Variants in ENAM observed in about 807,000 individuals in gnomAD.
The protein encoded by ENAM is enamelin.
Under a neutral mutation model 33.6 loss-of-function variants are expected in ENAM, and 21 were observed. The ratio of observed to expected loss-of-function variants is 0.63; its 90% CI spans 0.44 to 0.90. The LOEUF is 0.90. Ranked by LOEUF, ENAM falls within the 40% of genes least tolerant of loss-of-function variation. The pLI is 0.00. For missense variants in ENAM, 1,388 were observed against 1,366.9 expected, an observed-to-expected ratio of 1.02 and a Z score of -0.24; for synonymous variants, 473 against 468.4, an observed-to-expected ratio of 1.01 and a Z score of -0.13.
At position 70,646,181 on chromosome 4, in the gene ENAM, T is replaced by G. The variant is rs1380658968; in HGVS notation, c.*1326T>G. The G allele has an allele frequency of 6.6e-6, 1 of 152,140 alleles. No individual in the cohort carries two copies. The highest frequency in any genetic ancestry group is 1.5e-5 in the Non-Finnish European group (1 of 68,022). The allele number at this position is 152,140 out of a possible 1,614,324, so 9.4% of individuals were successfully genotyped here. ...CTTTCTTGGTATCTTGAATAAATTG[T>G]GTAAATTATTTTGAAAAGTGGATAT... On this transcript the variant is annotated 3_prime_UTR_variant, in exon 9 of 9. Transcript: ENST00000396073.
At chr4:70,633,922 T>A (rs1738385381) in intron 5 of ENAM, among the ~76,000 whole-genome samples, 2 of 152,170 alleles carry the variant, frequency 1.3e-5, no homozygotes, top group South Asian at 4.1e-4. Context: ...CTTATTTTTG[T>A]TTTTTCTCTT....
Position 70,643,574 on chromosome 4 carries a change from C to A in ENAM, c.2148C>A (p.Tyr716Ter). Residue 716 changes from tyrosine to a stop codon, truncating the protein, a stop_gained, in exon 9 of 9, where the codon TAC (tyrosine) becomes TAA (stop). Transcript: ENST00000396073. LOFTEE classifies it low-confidence loss of function (END_TRUNC). ...CAAAACCAAGGGAGGATTTTTATTA[C>A]AGTGAATTTTACCCATGGAGCCCGG... Reference protein sequence around the residue: ...NPSKPREDFYYSEFYPWSPDE... With the variant: ...NPSKPREDFY 6.2e-7 allele frequency: 1 copy of A among 1,614,052 alleles called. No homozygotes were observed. Among genetic ancestry groups the A allele is most frequent in the Non-Finnish European group, 8.5e-7 (1 of 1,179,980 alleles).
At position 70,643,460 on chromosome 4, in the gene ENAM, A is replaced by C; in HGVS notation, c.2034A>C (p.Lys678Asn). The change falls in exon 9 of 9, where the codon AAA becomes AAC. Residue 678 changes from lysine to asparagine, a missense_variant. Transcript: ENST00000396073. ...QNRWGEELSF[K>N]GGPTVRHYEG... is the part of the protein sequence containing the mutation. ...GATGGGGTGAAGAGTTGAGCTTCAA[A>C]GGAGGCCCAACAGTTAGGCACTATG... 1.2e-6 allele frequency: 2 copies of C among 1,614,158 alleles called. No individual in the cohort carries two copies. The highest frequency in any genetic ancestry group is 1.7e-6 in the Non-Finnish European group (2 of 1,179,982).
chr4:70,636,785 G>C (rs547514856), intron 7 of ENAM, among the ~76,000 whole-genome samples: 3 of 150,714 alleles, frequency 2.0e-5, no homozygotes, highest in African/African-American at 7.3e-5. Flanking sequence ...AAAAAAAAGA[G>C]ATCTTGCAAA....
chr4:70,633,154 A>G (rs1738368972), intron 5 of ENAM, among the ~76,000 whole-genome samples: 1 of 152,132 alleles, frequency 6.6e-6, no homozygotes, highest in African/African-American at 2.4e-5. Flanking sequence ...TTGTCAGAAC[A>G]GACAAATCAA....
chr4:70,638,771 A>G lies in ENAM; in HGVS notation c.588+928A>G, dbSNP rs545757908. 5.4e-5 allele frequency among the ~76,000 whole-genome samples: 8 copies of G among 148,840 alleles called. No individual in the cohort carries two copies. In the South Asian group the frequency reaches 8.5e-4, roughly 16 times the overall value. On this transcript the variant is annotated intron_variant, in intron 8 of 8. Coordinates refer to ENST00000396073, the MANE Select transcript of ENAM (RefSeq NM_031889.3). Reference sequence around the variant, plus strand: ...TCCCTGCAATGACTGCCAATTTCTTATCTTTCTTTTCTTTCTTTCTTTCTT... The same window carrying G: ...TCCCTGCAATGACTGCCAATTTCTTGTCTTTCTTTTCTTTCTTTCTTTCTT...
Position 70,631,735 on chromosome 4 carries a change from G to A in ENAM, c.120G>A (p.Met40Ile). 6.2e-7 allele frequency: 1 copy of A among 1,613,086 alleles called. No individual in the cohort carries two copies. The highest frequency in any genetic ancestry group is 8.5e-7 in the Non-Finnish European group (1 of 1,179,068). ...FLGLLGNSVA[M>I]PMHMPRMPGF... Reference sequence around the variant, plus strand: ...GGCTTCTTGGTAATTCTGTTGCTATGCCAGTGAGTATTTTTTAAATGTTAG... The same window carrying A: ...GGCTTCTTGGTAATTCTGTTGCTATACCAGTGAGTATTTTTTAAATGTTAG... The change falls in exon 3 of 9, where the codon ATG becomes ATA. Residue 40 changes from methionine to isoleucine, a missense_variant. Coordinates refer to ENST00000396073, the MANE Select transcript of ENAM (RefSeq NM_031889.3).
At chr4:70,636,450 A>T (rs900908539) in intron 7 of ENAM, among the ~76,000 whole-genome samples, 5 of 152,128 alleles carry the variant, frequency 3.3e-5, no homozygotes, top group Admixed American at 3.3e-4. Flanking sequence ...CCTGGCCAAC[A>T]TGGTGAAATC....
rs1401020322 is a variant in ENAM at position 70,637,759 on chromosome 4, T to G, written c.535-31T>G. ...AATGGCGGCATCGAACGTGGTTTTC[T>G]CCTGTGTTCACTGTGTTTTTCACTT... On this transcript the variant is annotated intron_variant, in intron 7 of 8. Transcript: ENST00000396073. The G allele has an allele frequency of 1.9e-6, 3 of 1,595,722 alleles. No individual in the cohort carries two copies. The Admixed American group carries it at 5.0e-5, about 27-fold the overall frequency.
rs1292333011 is a variant in ENAM at position 70,645,034 on chromosome 4, G to A, written c.*179G>A. On this transcript the variant is annotated 3_prime_UTR_variant, in exon 9 of 9. Coordinates refer to ENST00000396073, the MANE Select transcript of ENAM (RefSeq NM_031889.3). ...AGGTGGAGCTGAGATTAGGCCTCTG[G>A]GGATCACCAGATCTAGCACTTTCAC... The A allele has an allele frequency of 2.4e-5, 15 of 636,788 alleles. No individual in the cohort carries two copies. The South Asian group carries it at 2.5e-4, about 11-fold the overall frequency. 39.4% of individuals were successfully genotyped at this position (636,788 alleles called of 1,614,324 possible).
Position 70,631,930 on chromosome 4 carries a change from A to T in ENAM, c.168+37A>T, listed in dbSNP as rs778277351. ...CAGTCTCAGAGGAGAAGTTATCCAG[A>T]GTCCTATCCTACACATTTACTAAAA... On this transcript the variant is annotated intron_variant, in intron 4 of 8. Coordinates refer to ENST00000396073, the MANE Select transcript of ENAM (RefSeq NM_031889.3). 9 of 1,538,488 alleles carry T rather than the reference A, an allele frequency of 5.8e-6. No homozygotes were observed. The African/African-American group carries it at 1.1e-4, about 19-fold the overall frequency.
rs1244495058 is a variant in ENAM at position 70,644,318 on chromosome 4, G to A, written c.2892G>A (p.Leu964=). 1 of 1,614,016 alleles carries A rather than the reference G, an allele frequency of 6.2e-7. No homozygotes were observed. The highest frequency in any genetic ancestry group is 8.5e-7 in the Non-Finnish European group (1 of 1,180,026). Residue 964 remains leucine, a synonymous_variant, in exon 9 of 9, where the codon CTG becomes CTA. Coordinates refer to ENST00000396073, the MANE Select transcript of ENAM (RefSeq NM_031889.3). The stretch of plus-strand genomic sequence containing the variant: ...CACCATGTTCTATAAAGAATCAACT[G>A]GGCCAAAAGGAAATTATGCCCTTTC... The part of the protein sequence containing the change: ...RNTPCSIKNQ[L]GQKEIMPFPE...
chr4:70,631,609 C>A, intron 2 of ENAM, 61 bp from the exon 3 acceptor site: 3 of 1,210,066 alleles, frequency 2.5e-6, no homozygotes, highest in Non-Finnish European at 3.7e-6. Context: ...TAGATAAGTG[C>A]AGAGTGCCCT....
chr4:70,631,509 T>A (rs939676157), intron 2 of ENAM, among the ~76,000 whole-genome samples, 161 bp from the exon 3 acceptor site: 1 of 152,116 alleles, frequency 6.6e-6, no homozygotes, highest in Non-Finnish European at 1.5e-5. Context: ...AGATGATAAC[T>A]ATCTAATAGT....
chr4:70,636,819 A>C (rs1012163357), intron 7 of ENAM, among the ~76,000 whole-genome samples: 1 of 152,232 alleles, frequency 6.6e-6, no homozygotes, highest in Non-Finnish European at 1.5e-5. Flanking sequence ...GAAGCCTCAA[A>C]GAATCTTAAA....
intron 7 of ENAM, chr4:70,637,552 T>G: frequency 1.9e-6 from 1 of 538,964 alleles, no homozygotes; most frequent in East Asian, 3.2e-5. Context: ...ATACAGAGTA[T>G]TTTAAGTAGG....
Position 70,631,857 on chromosome 4 carries a change from G to T in ENAM, c.132G>T (p.Met44Ile), listed in dbSNP as rs772584901. Reference protein sequence around the residue: ...LGNSVAMPMHMPRMPGFSSKS... With the variant: ...LGNSVAMPMHIPRMPGFSSKS... ...CATTCTCTTACTTCCAGATGCACATGCCCCGAATGCCTGGATTTAGCAGTA... is the reference window on the plus strand; with the variant it reads ...CATTCTCTTACTTCCAGATGCACATTCCCCGAATGCCTGGATTTAGCAGTA... Residue 44 changes from methionine (M) to isoleucine (I), a missense_variant, in exon 4 of 9, where the codon ATG (methionine) becomes ATT (isoleucine). Coordinates refer to ENST00000396073, the MANE Select transcript of ENAM (RefSeq NM_031889.3). 1.2e-6 allele frequency: 2 copies of T among 1,614,034 alleles called. No homozygotes were observed. Among genetic ancestry groups the T allele is most frequent in the South Asian group, 1.1e-5 (1 of 91,080 alleles).
At chr4:70,633,447 A>AT in intron 5 of ENAM, among the ~76,000 whole-genome samples, 1 of 152,132 alleles carries the variant, frequency 6.6e-6, no homozygotes, top group South Asian at 2.1e-4. Context: ...GTGATTTGAA[A>AT]TTTTTACCAA....
Position 70,642,302 on chromosome 4 carries a change from C to A in ENAM, c.876C>A (p.Leu292=). The change falls in exon 9 of 9, where the codon CTC becomes CTA. Residue 292 remains leucine (L), a synonymous_variant. Transcript: ENST00000396073. ...CAGCTCAAAATGGGATTGGCCCACT[C>A]CCTGCAGTCAACGCTTCAGGCCAGG... ...NPPAQNGIGP[L]PAVNASGQGG... is the part of the protein sequence containing the mutation. The A allele has an allele frequency of 6.2e-7, 1 of 1,614,166 alleles. No homozygotes were observed. Among genetic ancestry groups the A allele is most frequent in the Non-Finnish European group, 8.5e-7 (1 of 1,180,032 alleles).
Sources: allele counts gnomAD v4.1 joint callset (sites outside exome capture counted in the v4.1 genomes callset), GRCh38; gene constraint gnomAD v4.1.1; transcripts MANE v1.5; gene names NCBI Gene and HGNC (gene_info 2026-07-23, HGNC 2026-07-21).